Variants in CCDC146 observed in about 807,000 individuals in gnomAD.
The protein encoded by CCDC146 is coiled-coil domain-containing protein 146.
Under a neutral mutation model 119.3 loss-of-function variants are expected in CCDC146, and 92 were observed. The observed-to-expected ratio is 0.77, with a 90% CI of 0.65 to 0.92. The LOEUF (loss-of-function observed/expected upper bound fraction) is 0.92. CCDC146 is among the 40% of genes least tolerant of loss of function. The pLI, the probability that CCDC146 is intolerant of heterozygous loss-of-function variation, is 0.00. For missense variants in CCDC146, 1,000 were observed against 1,103.0 expected (o/e 0.91, Z 1.32); for synonymous variants, 372 against 371.8 (o/e 1.00, Z -0.01).
chr7:77,266,234 T>C (rs371414736), intron 9 of CCDC146, among the ~76,000 whole-genome samples: 46 of 152,354 alleles, frequency 3.0e-4, no homozygotes, highest in Non-Finnish European at 5.9e-4. Context: ...TGACACTTTC[T>C]ATATACTGTA....
At chr7:77,258,916 C>A in intron 6 of CCDC146, 79 bp from the exon 7 acceptor site, 1 of 913,408 alleles carries the variant, frequency 1.1e-6, no homozygotes, top group East Asian at 2.5e-5. Flanking sequence ...GTTCCTTTCT[C>A]TCTCATATTT....
chr7:77,215,178 T>A (rs1792272934), intron 2 of CCDC146, among the ~76,000 whole-genome samples: 2 of 138,170 alleles, frequency 1.4e-5, no homozygotes, highest in African/African-American at 6.0e-5. Context: ...GGGGTGTTTT[T>A]ATTTTTTTGG....
At chr7:77,132,009 A>G (rs1266965392) in intron 1 of CCDC146, among the ~76,000 whole-genome samples, 1 of 152,272 alleles carries the variant, frequency 6.6e-6, no homozygotes, top group African/African-American at 2.4e-5. Flanking sequence ...AGCATTTGAT[A>G]GAATGCATAG....
chr7:77,157,049 T>C (rs1460037613), intron 1 of CCDC146, among the ~76,000 whole-genome samples: 1 of 119,986 alleles, frequency 8.3e-6, no homozygotes, highest in Admixed American at 9.0e-5. Flanking sequence ...AAAATGGAAG[T>C]GTCCCAGAGT....
intron 4 of CCDC146, among the ~76,000 whole-genome samples, chr7:77,249,723 G>A (rs983392847): frequency 2.6e-5 from 4 of 151,962 alleles, no homozygotes; most frequent in African/African-American, 9.7e-5. Flanking sequence ...GGCAAACACA[G>A]CATATAATTT....
chr7:77,213,508 T>C (rs1419757725), intron 2 of CCDC146, among the ~76,000 whole-genome samples: 1 of 152,206 alleles, frequency 6.6e-6, no homozygotes, highest in Non-Finnish European at 1.5e-5. Flanking sequence ...TCAGAGGTTA[T>C]ATGTACAGGT....
At chr7:77,248,213 T>C (rs1562847008) in intron 4 of CCDC146, among the ~76,000 whole-genome samples, 1 of 152,136 alleles carries the variant, frequency 6.6e-6, no homozygotes, top group African/African-American at 2.4e-5. Context: ...AAGTGGGAGC[T>C]AAGTAATGTG....
intron 4 of CCDC146, among the ~76,000 whole-genome samples, chr7:77,250,973 T>TTGTGTGTGTGTG (rs58026945): frequency 5.2e-5 from 6 of 114,646 alleles, no homozygotes; most frequent in Non-Finnish European, 5.4e-5. Flanking sequence ...TCTCTGGTAT[T>TTGTGTGTGTGTG]TGTGTGTGTG....
At chr7:77,153,547 T>C (rs1232080451) in intron 1 of CCDC146, among the ~76,000 whole-genome samples, 1 of 147,374 alleles carries the variant, frequency 6.8e-6, no homozygotes, top group Non-Finnish European at 1.5e-5. Flanking sequence ...TAGAAGATAA[T>C]ATCAATCATT....
Position 77,196,680 on chromosome 7 carries a change from A to C in CCDC146, c.156+28856A>C, listed in dbSNP as rs775844765. On this transcript the variant is annotated intron_variant, in intron 2 of 18. Transcript: ENST00000285871. The surrounding 1 kb of genome is among the most constrained non-coding windows in gnomAD (Gnocchi z 4.2). ...AAGGCATATAGTTCGACACCATTAA[A>C]GTCTTCAAGATCTATTCTCAGAATC... 1 of 1,614,246 alleles carries C rather than the reference A, an allele frequency of 6.2e-7. No individual in the cohort carries two copies. Among genetic ancestry groups the C allele is most frequent in the South Asian group, 1.1e-5 (1 of 91,088 alleles).
At chr7:77,154,640 C>T (rs1791155260) in intron 1 of CCDC146, among the ~76,000 whole-genome samples, 1 of 151,754 alleles carries the variant, frequency 6.6e-6, no homozygotes, top group African/African-American at 2.4e-5. Flanking sequence ...TGAACTCATC[C>T]TTTTTATGGC....
rs546435376 is a variant in CCDC146, at chr7:77,166,745, C to T, written c.-11-913C>T. Among the ~76,000 whole-genome samples, 62 of 152,010 alleles carry T rather than the reference C, an allele frequency of 4.1e-4. 2 individuals are homozygous for T. Among genetic ancestry groups the T allele is most frequent in the African/African-American group, 1.4e-3 (57 of 41,462 alleles). On this transcript the variant is annotated intron_variant, in intron 1 of 18. Coordinates refer to ENST00000285871, the MANE Select transcript of CCDC146 (RefSeq NM_020879.3). ...GGAAAACTTTTTATATATTGGTAACCTTCAGAGAACATTTTTCTGACATTT... is the reference window on the plus strand; with the variant it reads ...GGAAAACTTTTTATATATTGGTAACTTTCAGAGAACATTTTTCTGACATTT...
At chr7:77,208,847 G>T (rs887984434) in intron 2 of CCDC146, among the ~76,000 whole-genome samples, 28 of 152,252 alleles carry the variant, frequency 1.8e-4, no homozygotes, top group African/African-American at 5.1e-4. Flanking sequence ...AGCTGGCACT[G>T]CAGGCATATG....
intron 9 of CCDC146, among the ~76,000 whole-genome samples, chr7:77,269,196 T>TTA (rs1793463164): frequency 6.6e-6 from 1 of 152,108 alleles, no homozygotes; most frequent in Non-Finnish European, 1.5e-5. Context: ...AAAAGAGAAA[T>TTA]TTCCTCAAGT....
chr7:77,226,324 A>G (rs1792513251), intron 2 of CCDC146, among the ~76,000 whole-genome samples: 1 of 152,226 alleles, frequency 6.6e-6, no homozygotes, highest in Non-Finnish European at 1.5e-5. Flanking sequence ...CCACTAGGTA[A>G]TGTCAAAGAA....
chr7:77,186,118 T>C (rs577270462), intron 2 of CCDC146, among the ~76,000 whole-genome samples: 1 of 152,280 alleles, frequency 6.6e-6, no homozygotes, highest in Admixed American at 6.5e-5. Context: ...AGCTACCATA[T>C]GACCAAGCAA....
intron 1 of CCDC146, among the ~76,000 whole-genome samples, chr7:77,130,735 A>G (rs546766711): frequency 6.8e-6 from 1 of 147,634 alleles, no homozygotes; most frequent in African/African-American, 2.5e-5. Context: ...TGTAGCTGGG[A>G]CTACAGGCGC....
intron 2 of CCDC146, among the ~76,000 whole-genome samples, chr7:77,169,235 G>A (rs1471029438): frequency 2.0e-5 from 3 of 152,208 alleles, no homozygotes; most frequent in African/African-American, 7.2e-5. Flanking sequence ...AAGATATAAA[G>A]ACACAATCTC....
chr7:77,210,461 TCAG>T (rs1272112312), intron 2 of CCDC146, among the ~76,000 whole-genome samples: 1 of 152,218 alleles, frequency 6.6e-6, no homozygotes, highest in Non-Finnish European at 1.5e-5. Flanking sequence ...CATATCACTA[TCAG>T]CATTTTGATC....
Sources: gnomAD v4.1 joint callset for allele counts (sites outside exome capture counted in the v4.1 genomes callset) on GRCh38, gnomAD v4.1.1 for gene constraint, Gnocchi (gnomAD v3.1) non-coding constraint, MANE v1.5 for transcripts, NCBI Gene and HGNC (gene_info 2026-07-23, HGNC 2026-07-21) for gene names.